Variants in PHF8 observed in about 807,000 individuals in gnomAD.
PHF8 encodes the protein histone lysine demethylase PHF8.
Under a neutral mutation model 74.4 loss-of-function variants are expected in PHF8, and 9 were observed. That is an observed-to-expected ratio of 0.12 (90% CI 0.07 to 0.21). The LOEUF (loss-of-function observed/expected upper bound fraction) is 0.21. Ranked by LOEUF, PHF8 falls within the 10% of genes least tolerant of loss-of-function variation. The probability of loss-of-function intolerance (pLI) is 1.00; values close to 1 mark genes in which losing one functional copy is unlikely to be tolerated. For missense variants in PHF8, 478 were observed against 816.6 expected (o/e 0.59, Z 5.05); for synonymous variants, 311 against 316.6 (o/e 0.98, Z 0.19).
intron 20 of PHF8, among the ~76,000 whole-genome samples, 153 bp from the exon 21 acceptor site, chrX:53,940,669 A>G (rs144789255): frequency 1.8e-5 from 2 of 111,767 alleles, no homozygotes; most frequent in East Asian, 2.8e-4. Context: ...CACACAGCAC[A>G]TAACAGGCCT....
At chrX:54,017,237 G>C (rs1257454145) in intron 5 of PHF8, among the ~76,000 whole-genome samples, 3 of 112,806 alleles carry the variant, frequency 2.7e-5, no homozygotes, top group Non-Finnish European at 5.6e-5. Flanking sequence ...CTTGAGCCCA[G>C]TAGTTGGAGA....
rs199664796 is a variant in PHF8 at position 54,022,290 on chromosome X, C to G, written c.262G>C (p.Val88Leu). Reference protein sequence around the residue: ...KPVKTGSPTFVRELRSRTFDS... With the variant: ...KPVKTGSPTFLRELRSRTFDS... ...AAAGTCCTACTCCGGAGCTCTCTGACGAACGTAGGGCTCCCGGTCTTCACT... is the reference window on the plus strand; with the variant it reads ...AAAGTCCTACTCCGGAGCTCTCTGAGGAACGTAGGGCTCCCGGTCTTCACT... The change falls in exon 4 of 22, where the codon GTC (valine) becomes CTC (leucine). Residue 88 changes from valine to leucine, a missense_variant. Val to Leu is a conservative substitution (Grantham distance 32). Coordinates refer to ENST00000338154, the MANE Select transcript of PHF8 (RefSeq NM_015107.3). 25 of 1,198,127 alleles carry G rather than the reference C, an allele frequency of 2.1e-5. No individual in the cohort carries two copies. Among genetic ancestry groups the G allele is most frequent in the Non-Finnish European group, 2.8e-5 (25 of 884,391 alleles).
At chrX:53,974,191 G>A (rs1329021260) in intron 18 of PHF8, among the ~76,000 whole-genome samples, 4 of 110,796 alleles carry the variant, frequency 3.6e-5, no homozygotes, top group South Asian at 3.8e-4. Flanking sequence ...GCATGAACCC[G>A]GGAGGCGGAG....
intron 18 of PHF8, among the ~76,000 whole-genome samples, chrX:53,982,417 C>T (rs1210150967): frequency 8.9e-6 from 1 of 112,510 alleles, no homozygotes; most frequent in Admixed American, 9.4e-5. Flanking sequence ...TTTGTTTTGA[C>T]AAGTTGATTT....
At position 53,993,688 on chromosome X, in the gene PHF8, G is replaced by C. The variant is rs2065703884; in HGVS notation, c.1539C>G (p.Ala513=). The C allele has an allele frequency of 1.7e-6, 2 of 1,209,903 alleles. No homozygotes were observed. Among genetic ancestry groups the C allele is most frequent in the African/African-American group, 1.7e-5 (1 of 57,930 alleles). ...KAERKGKESS[A]LGPAGQLSYN... ...AGCTCAACTGGCCAGCAGGCCCCAA[G>C]GCTGAACTCTCCTTGCCCTTTCGCT... The change falls in exon 13 of 22, where the codon GCC becomes GCG. Residue 513 remains alanine (A), a synonymous_variant. Coordinates refer to ENST00000338154, the MANE Select transcript of PHF8 (RefSeq NM_015107.3).
At chrX:54,028,664 T>C (rs1006361243) in intron 2 of PHF8, among the ~76,000 whole-genome samples, 2 of 111,438 alleles carry the variant, frequency 1.8e-5, no homozygotes, top group Non-Finnish European at 3.8e-5. Flanking sequence ...CCAAACTCAG[T>C]TTCTCCTTCT....
In PHF8 at chrX:54,026,294, C is replaced by T. The variant is rs782322163; in HGVS notation, c.99-3451G>A. On this transcript the variant is annotated intron_variant, in intron 2 of 21. Coordinates refer to ENST00000338154, the MANE Select transcript of PHF8 (RefSeq NM_015107.3). ...GCTTGAACCCAGGAGGCAGAGGTTG[C>T]AGTGAGCCGAGATCATGCCACTGCA... Among the ~76,000 whole-genome samples the T allele has an allele frequency of 3.0e-5, 3 of 101,051 alleles. No individual in the cohort carries two copies. In the East Asian group the frequency reaches 9.2e-4, roughly 31 times the overall value. The allele number at this position is 101,051 out of a possible 115,157, so 87.8% of individuals were successfully genotyped here. A position where few individuals can be genotyped will look rare whatever the true frequency, so the allele number is the denominator to read the frequency against.
At chrX:54,023,657 A>T (rs958769673) in intron 2 of PHF8, among the ~76,000 whole-genome samples, 2 of 108,124 alleles carry the variant, frequency 1.8e-5, no homozygotes, top group African/African-American at 6.7e-5. Context: ...ACTTGAGCCC[A>T]GGAGTTCAAG....
chrX:53,967,512 A>G (rs1217291916), intron 18 of PHF8, among the ~76,000 whole-genome samples: 29 of 71,752 alleles, frequency 4.0e-4, no homozygotes, highest in African/African-American at 1.4e-3. Flanking sequence ...CCCTCCGCCC[A>G]GCCAGCCGCC....
chrX:53,972,969 G>A (rs2065317724), intron 18 of PHF8, among the ~76,000 whole-genome samples: 1 of 111,788 alleles, frequency 8.9e-6, no homozygotes, highest in Non-Finnish European at 1.9e-5. Flanking sequence ...CAAAATCAAT[G>A]TGCAAAAATC....
At chrX:54,034,293 G>A (rs782581337) in intron 2 of PHF8, among the ~76,000 whole-genome samples, 1 of 111,587 alleles carries the variant, frequency 9.0e-6, no homozygotes, top group South Asian at 3.7e-4. Flanking sequence ...TGAAAGCAAT[G>A]AGAGATAAAT....
rs376217153 is a variant in PHF8 at position 53,956,675 on chromosome X, CGTGTGTGTGTGTGT to C, written c.2539+6155_2539+6168del. On this transcript the variant is annotated intron_variant, in intron 19 of 21. Coordinates refer to ENST00000338154, the MANE Select transcript of PHF8 (RefSeq NM_015107.3). ...GCACATTATAAGTATAAAATATGTG[CGTGTGTGTGTGTGT>C]GTGTGTGTGTGTGTGTGTATGAAAC... is the stretch of plus-strand genomic sequence containing the variant. 4.0e-4 allele frequency among the ~76,000 whole-genome samples: 39 copies of C among 97,557 alleles called. No individual in the cohort carries two copies. The Middle Eastern group carries it at 0.016, about 39-fold the overall frequency. The allele number at this position is 97,557 out of a possible 115,157, so 84.7% of individuals were successfully genotyped here.
At chrX:53,946,994 A>C (rs1372837886) in intron 19 of PHF8, among the ~76,000 whole-genome samples, 1 of 111,686 alleles carries the variant, frequency 9.0e-6, no homozygotes, top group Non-Finnish European at 1.9e-5. Context: ...GATATATAGG[A>C]GCTCAATGAA....
chrX:53,998,271 T>C (rs1299333665), intron 11 of PHF8, among the ~76,000 whole-genome samples: 2 of 109,647 alleles, frequency 1.8e-5, no homozygotes, highest in Non-Finnish European at 3.8e-5. Flanking sequence ...CTGGCCAACA[T>C]GGTGAAACCC....
chrX:53,961,754 G>A (rs2065109532), intron 19 of PHF8, among the ~76,000 whole-genome samples: 1 of 111,630 alleles, frequency 9.0e-6, no homozygotes, highest in African/African-American at 3.3e-5. Context: ...AGGGTGAGAA[G>A]AGCAAGCCCT....
At chrX:54,023,815 T>G (rs782647322) in intron 2 of PHF8, among the ~76,000 whole-genome samples, 5 of 85,575 alleles carry the variant, frequency 5.8e-5, no homozygotes, top group Non-Finnish European at 1.1e-4. Flanking sequence ...CACTCCAGCC[T>G]GGGTGACAGA....
intron 18 of PHF8, 49 bp from the exon 19 acceptor site, chrX:53,962,988 T>G: frequency 2.5e-6 from 2 of 797,593 alleles, no homozygotes; most frequent in South Asian, 2.0e-5. Flanking sequence ...ATCCAAAGGG[T>G]GAAGATAGAA....
chrX:53,981,718 T>C (rs1557098069), intron 18 of PHF8, among the ~76,000 whole-genome samples: 1 of 111,995 alleles, frequency 8.9e-6, no homozygotes, highest in Non-Finnish European at 1.9e-5. Flanking sequence ...GGGCTCTAAC[T>C]TAGAACTGCT....
chrX:53,988,500 G>C (rs1312607826), intron 14 of PHF8, among the ~76,000 whole-genome samples: 2 of 110,017 alleles, frequency 1.8e-5, no homozygotes, highest in Non-Finnish European at 3.8e-5. Context: ...CTGGGATTAA[G>C]TAAAATTAAA....
Sources: allele counts gnomAD v4.1 joint callset (sites outside exome capture counted in the v4.1 genomes callset), GRCh38; gene constraint gnomAD v4.1.1; transcripts MANE v1.5; gene names NCBI Gene and HGNC (gene_info 2026-07-23, HGNC 2026-07-21).